GRIN2C: variants seen among roughly 807,000 people sequenced by gnomAD.
The protein encoded by GRIN2C is glutamate ionotropic receptor NMDA type subunit 2C, also known as glutamate receptor ionotropic, NMDA 2C.
Under a neutral mutation model 77.7 loss-of-function variants are expected in GRIN2C, and 64 were observed. The ratio of observed to expected loss-of-function variants is 0.82; its 90% CI spans 0.67 to 1.01. The LOEUF is 1.01. GRIN2C is among the 50% of genes least tolerant of loss of function. The probability of loss-of-function intolerance (pLI) is 0.00; values close to 1 mark genes in which losing one functional copy is unlikely to be tolerated. For missense variants in GRIN2C, 1,549 were observed against 1,486.0 expected, an observed-to-expected ratio of 1.04 and a Z score of -0.70; for synonymous variants, 792 against 643.4, an observed-to-expected ratio of 1.23 and a Z score of -3.49.
Position 74,847,272 on chromosome 17 carries a change from G to GCCCCCCCCCCCCCCC in GRIN2C, c.2001+35_2001+36insGGGGGGGGGGGGGGG. On this transcript the variant is annotated intron_variant, in intron 9 of 12. Transcript: ENST00000293190. This position sits in a 1 kb window ranked among gnomAD's most constrained non-coding sequence, Gnocchi z 5.2. ...CTCACGGCCTGTCCCCACCCTCAGT[G>GCCCCCCCCCCCCCCC]CCCCCCCCCACCCCCAGCAGCTATG... is the stretch of plus-strand genomic sequence containing the variant. 1.4e-6 allele frequency: 1 copy of GCCCCCCCCCCCCCCC among 692,326 alleles called. No individual in the cohort carries two copies. The allele number at this position is 692,326 out of a possible 1,614,324, so 42.9% of individuals were successfully genotyped here. A position where few individuals can be genotyped will look rare whatever the true frequency, so the allele number is the denominator to read the frequency against.
In GRIN2C at chr17:74,850,045, C is replaced by T. The variant is rs2037586565; in HGVS notation, c.1492-112G>A. 2.2e-6 allele frequency: 3 copies of T among 1,362,996 alleles called. No individual in the cohort carries two copies. The East Asian group carries it at 6.9e-5, about 31-fold the overall frequency. The allele number at this position is 1,362,996 out of a possible 1,614,324, so 84.4% of individuals were successfully genotyped here. Reference sequence around the variant, plus strand: ...CACCCACCAGCTGAGTCAATCATTCCCTCTGGGGCCCTCAGAGCTCAGCTT... The same window carrying T: ...CACCCACCAGCTGAGTCAATCATTCTCTCTGGGGCCCTCAGAGCTCAGCTT... On this transcript the variant is annotated intron_variant, in intron 6 of 12. Transcript: ENST00000293190. The surrounding 1 kb of genome is among the most constrained non-coding windows in gnomAD (Gnocchi z 5.3).
upstream of GRIN2C, chr17:74,860,633 G>A: frequency 2.5e-6 from 1 of 396,864 alleles, no homozygotes; most frequent in Non-Finnish European, 5.1e-6. Context: ...TGCGCAGCCA[G>A]GGCCCAGCGC....
In GRIN2C at chr17:74,842,108, T is replaced by C. The variant is rs1451967343; in HGVS notation, c.*327A>G. On this transcript the variant is annotated 3_prime_UTR_variant, in exon 13 of 13. Transcript: ENST00000293190. Reference sequence around the variant, plus strand: ...GAGCAAGGATCGGGATGGCCCTGCCTCAACCACAAGTTCCAGCCTCCATGC... The same window carrying C: ...GAGCAAGGATCGGGATGGCCCTGCCCCAACCACAAGTTCCAGCCTCCATGC... 1 of 328,874 alleles carries C rather than the reference T, an allele frequency of 3.0e-6. No individual in the cohort carries two copies. The highest frequency in any genetic ancestry group is 5.6e-6 in the Non-Finnish European group (1 of 179,186). 20.4% of individuals were successfully genotyped at this position (328,874 alleles called of 1,614,324 possible).
chr17:74,844,639 C>G, intron 11 of GRIN2C, 131 bp from the exon 12 acceptor site: 1 of 1,445,096 alleles, frequency 6.9e-7, no homozygotes. Context: ...CTCAAGCAGA[C>G]CACATGGGGA....
rs760993421 is a variant in GRIN2C, at chr17:74,847,301, C to G, written c.2001+7G>C. 6.3e-7 allele frequency: 1 copy of G among 1,581,158 alleles called. No individual in the cohort carries two copies. Among genetic ancestry groups the G allele is most frequent in the East Asian group, 2.2e-5 (1 of 44,512 alleles). ...CCCCCCACCCCCAGCAGCTATGGCC[C>G]CACAACCTTCTTGTCACTGAGGCCC... On this transcript the variant is annotated splice_region_variant and intron_variant, in intron 9 of 12. Coordinates refer to ENST00000293190, the MANE Select transcript of GRIN2C (RefSeq NM_000835.6). This position sits in a 1 kb window ranked among gnomAD's most constrained non-coding sequence, Gnocchi z 5.2.
In GRIN2C at chr17:74,843,113, G is replaced by A; in HGVS notation, c.3024C>T (p.Thr1008=). 1 of 432,184 alleles carries A rather than the reference G, an allele frequency of 2.3e-6. No homozygotes were observed. The allele number at this position is 432,184 out of a possible 1,614,324, so 26.8% of individuals were successfully genotyped here. A position where few individuals can be genotyped will look rare whatever the true frequency, so the allele number is the denominator to read the frequency against. ...PAWEARWPVR[T]GHCGRHLSAS... is the part of the protein sequence containing the mutation. ...CCGAGAGGTGCCTCCCGCAGTGCCC[G>A]GTCCGCACCGGCCACCGCGCCTCCC... The change falls in exon 13 of 13, where the codon ACC becomes ACT. Residue 1008 remains threonine (T), a synonymous_variant. Coordinates refer to ENST00000293190, the MANE Select transcript of GRIN2C (RefSeq NM_000835.6).
intron 4 of GRIN2C, 42 bp downstream of exon 4, chr17:74,851,535 A>G: frequency 2.5e-6 from 3 of 1,198,432 alleles, no homozygotes; most frequent in Non-Finnish European, 3.6e-6. Context: ...CGGGGACAAA[A>G]TAAGAGGACA....
Position 74,852,473 on chromosome 17 carries a change from C to T in GRIN2C, c.538G>A (p.Glu180Lys). Reference protein sequence around the residue: ...SLHPGHALFLEGVRAVADASH... With the variant: ...SLHPGHALFLKGVRAVADASH... Reference sequence around the variant, plus strand: ...GCGTCGGCGACGGCGCGCACGCCCTCCAGGAAGAGCGCGTGGCCCGGGTGC... The same window carrying T: ...GCGTCGGCGACGGCGCGCACGCCCTTCAGGAAGAGCGCGTGGCCCGGGTGC... The change falls in exon 3 of 13, where the codon GAG becomes AAG. Residue 180 changes from glutamate to lysine, a missense_variant. Glu to Lys is a moderately conservative substitution (Grantham distance 56, BLOSUM62 1). Transcript: ENST00000293190. The T allele has an allele frequency of 1.3e-6, 2 of 1,561,802 alleles. No individual in the cohort carries two copies. Among genetic ancestry groups the T allele is most frequent in the South Asian group, 2.3e-5 (2 of 86,096 alleles).
chr17:74,850,874 GGGGCAGGTCAGAGTA>G lies in GRIN2C; in HGVS notation c.1114-122_1114-108del. ...TCTCCCTCTCTCACCTAGGGATGCT[GGGGCAGGTCAGAGTA>G]GGGCTGCTCCCAACAGCCTCCCCCA... is the stretch of plus-strand genomic sequence containing the variant. On this transcript the variant is annotated intron_variant, in intron 4 of 12. Coordinates refer to ENST00000293190, the MANE Select transcript of GRIN2C (RefSeq NM_000835.6). This position sits in a 1 kb window ranked among gnomAD's most constrained non-coding sequence, Gnocchi z 5.3. 1 of 964,740 alleles carries G rather than the reference GGGGCAGGTCAGAGTA, an allele frequency of 1.0e-6. No individual in the cohort carries two copies. Among genetic ancestry groups the G allele is most frequent in the Non-Finnish European group, 1.6e-6 (1 of 627,952 alleles). The allele number at this position is 964,740 out of a possible 1,614,324, so 59.8% of individuals were successfully genotyped here.
At position 74,849,973 on chromosome 17, in the gene GRIN2C, C is replaced by T. The variant is rs1301316811; in HGVS notation, c.1492-40G>A. The T allele has an allele frequency of 3.1e-6, 5 of 1,593,372 alleles. No homozygotes were observed. In the African/African-American group the frequency reaches 5.4e-5, roughly 17 times the overall value. ...CCACGGAGGTTTGAAAAAGGGGCTC[C>T]CGTGGGGTGGACACGCTGCACAGGC... On this transcript the variant is annotated intron_variant, in intron 6 of 12. Transcript: ENST00000293190. This position sits in a 1 kb window ranked among gnomAD's most constrained non-coding sequence, Gnocchi z 4.6.
In GRIN2C at chr17:74,849,141, G is replaced by T. The variant is rs556231048; in HGVS notation, c.1645+639C>A. Among the ~76,000 whole-genome samples, 3 of 140,618 alleles carry T rather than the reference G, an allele frequency of 2.1e-5. No homozygotes were observed. The South Asian group carries it at 6.9e-4, about 32-fold the overall frequency. 92.3% of individuals were successfully genotyped at this position (140,618 alleles called of 152,430 possible). On this transcript the variant is annotated intron_variant, in intron 7 of 12. Transcript: ENST00000293190. This position sits in a 1 kb window ranked among gnomAD's most constrained non-coding sequence, Gnocchi z 4.6. The stretch of plus-strand genomic sequence containing the variant: ...AGTGGTTTTTTTTTTCCTCTCTTCC[G>T]TGGCTGAGGAGCCTGCTCAGAGAGG...
chr17:74,843,458 C>T lies in GRIN2C; in HGVS notation c.2679G>A (p.Val893=). 1 of 1,535,144 alleles carries T rather than the reference C, an allele frequency of 6.5e-7. No individual in the cohort carries two copies. Among genetic ancestry groups the T allele is most frequent in the Non-Finnish European group, 8.7e-7 (1 of 1,146,338 alleles). Residue 893 remains valine (V), a synonymous_variant, in exon 13 of 13, where the codon GTG becomes GTA. Transcript: ENST00000293190. ...CGCGGGCTGCCTGCAGCATCTTGAG[C>T]ACGCTGGCCTGGGCCGAGCTGGCCG... ...DLTASSAQAS[V]LKMLQAARDM...
At chr17:74,844,580 C>A in intron 11 of GRIN2C, 72 bp from the exon 12 acceptor site, 1 of 1,559,578 alleles carries the variant, frequency 6.4e-7, no homozygotes, top group Non-Finnish European at 8.7e-7. Flanking sequence ...AAGCTCACCA[C>A]AAACCTGGAG....
intron 4 of GRIN2C, chr17:74,851,064 AC>A: frequency 2.1e-6 from 1 of 474,446 alleles, no homozygotes; most frequent in Non-Finnish European, 3.8e-6. Context: ...CATGCTCCAA[AC>A]CCTTCTGCCC....
intron 1 of GRIN2C, among the ~76,000 whole-genome samples, chr17:74,858,344 G>A (rs689782): frequency 0.13 from 19,083 of 147,642 alleles, 1,549 homozygotes; most frequent in Middle Eastern, 0.26. Context: ...CTGCTGGGTT[G>A]GGGGTTGGGG....
rs755199141 is a variant in GRIN2C at position 74,854,724 on chromosome 17, G to C, written c.369C>G (p.Ser123Arg). The change falls in exon 2 of 13, where the codon AGC (serine) becomes AGG (arginine). Residue 123 changes from serine (S) to arginine (R), a missense_variant. Physicochemically the swap from Ser to Arg is moderately radical, Grantham distance 110. Around this residue, in one of 3 missense-constraint regions of GRIN2C, gnomAD observed 382 missense variants for 360.0 expected, o/e 1.06. Coordinates refer to ENST00000293190, the MANE Select transcript of GRIN2C (RefSeq NM_000835.6). ...GGGTGAGGACCACAGCAGAGCCTCC[G>C]CTGATGCTGAGGATGGGCACATGGG... Reference protein sequence around the residue: ...SQTHVPILSISGGSAVVLTPK... With the variant: ...SQTHVPILSIRGGSAVVLTPK... 1.2e-6 allele frequency: 2 copies of C among 1,610,058 alleles called. No homozygotes were observed. Among genetic ancestry groups the C allele is most frequent in the African/African-American group, 2.7e-5 (2 of 74,872 alleles).
At chr17:74,852,743 T>C in intron 2 of GRIN2C, 132 bp from the exon 3 acceptor site, 1 of 481,380 alleles carries the variant, frequency 2.1e-6, no homozygotes, top group Non-Finnish European at 3.6e-6. Flanking sequence ...GGGAGCCCTC[T>C]GGCCTGCGCC....
At position 74,849,546 on chromosome 17, in the gene GRIN2C, G is replaced by A. The variant is rs552112330; in HGVS notation, c.1645+234C>T. Among the ~76,000 whole-genome samples, 7 of 152,006 alleles carry A rather than the reference G, an allele frequency of 4.6e-5. No individual in the cohort carries two copies. Among genetic ancestry groups the A allele is most frequent in the African/African-American group, 1.2e-4 (5 of 41,374 alleles). ...TTCCTGCCACTCACAGTGGCACCAC[G>A]ACCCATCCCACACCCCCAACCCCAC... On this transcript the variant is annotated intron_variant, in intron 7 of 12. Coordinates refer to ENST00000293190, the MANE Select transcript of GRIN2C (RefSeq NM_000835.6). This position sits in a 1 kb window ranked among gnomAD's most constrained non-coding sequence, Gnocchi z 4.6.
chr17:74,860,924 G>T, upstream of GRIN2C: 1 of 209,200 alleles, frequency 4.8e-6, no homozygotes, highest in Non-Finnish European at 9.9e-6. Context: ...CACTGGGCTG[G>T]GGAGCCGCAC....
Sources: gnomAD v4.1 joint callset for allele counts (sites outside exome capture counted in the v4.1 genomes callset) on GRCh38, gnomAD v4.1.1 for gene constraint, gnomAD v4.1.1 regional missense constraint, Gnocchi (gnomAD v3.1) non-coding constraint, MANE v1.5 for transcripts, NCBI Gene and HGNC (gene_info 2026-07-23, HGNC 2026-07-21) for gene names.